TCP11L2: variants seen among roughly 807,000 people sequenced by gnomAD.
The protein encoded by TCP11L2 is T-complex protein 11-like protein 2.
Under a neutral mutation model 50.7 loss-of-function variants are expected in TCP11L2, and 39 were observed. That is an observed-to-expected ratio of 0.77 (90% CI 0.60 to 1.01). The LOEUF is 1.01. TCP11L2 is among the 50% of genes least tolerant of loss of function. The pLI is 0.00. For synonymous variants in TCP11L2, 192 were observed against 219.3 expected (o/e 0.88, Z 1.10); for missense variants, 612 against 614.7 (o/e 1.00, Z 0.05).
upstream of TCP11L2, among the ~76,000 whole-genome samples, chr12:106,302,311 GCCCCCGCT>G (rs2034438160): frequency 1.3e-5 from 1 of 76,516 alleles, no homozygotes; most frequent in Non-Finnish European, 2.7e-5. Context: ...GCCCCGCTCA[GCCCCCGCT>G]CCCCCCGCTC....
In TCP11L2 at chr12:106,321,728, A is replaced by T. The variant is rs536616242; in HGVS notation, c.635+22A>T. On this transcript the variant is annotated intron_variant, in intron 5 of 9. Coordinates refer to ENST00000299045, the MANE Select transcript of TCP11L2 (RefSeq NM_152772.3). ...TGAGGTTAGCACTTTTGCTGTTTGC[A>T]TTTCCTAGAGTATCTTTGAGTTCAT... 3.1e-4 allele frequency: 500 copies of T among 1,604,868 alleles called. 3 individuals carry two copies. In the South Asian group the frequency reaches 5.3e-3, roughly 17 times the overall value.
intron 6 of TCP11L2, among the ~76,000 whole-genome samples, chr12:106,334,217 C>T (rs926299436): frequency 6.6e-6 from 1 of 152,012 alleles, no homozygotes; most frequent in Non-Finnish European, 1.5e-5. Context: ...TTCTGGAGGG[C>T]TGTACTAAGA....
intron 9 of TCP11L2, among the ~76,000 whole-genome samples, chr12:106,342,607 G>C (rs1287941099): frequency 6.6e-6 from 1 of 152,200 alleles, no homozygotes; most frequent in Non-Finnish European, 1.5e-5. Context: ...GTGCAGGTTT[G>C]TTCACTGCTA....
At chr12:106,323,390 T>C (rs1260432084) in intron 5 of TCP11L2, 120 bp from the exon 6 acceptor site, 27 of 833,000 alleles carry the variant, frequency 3.2e-5, no homozygotes, top group Non-Finnish European at 4.7e-5. Flanking sequence ...CAAATGGCAA[T>C]TGGAACTTTA....
Position 106,311,199 on chromosome 12 carries a change from A to G in TCP11L2, c.124A>G (p.Ser42Gly), listed in dbSNP as rs778404741. ...DYECSRQSFA[S>G]DSSSKSSSPA... ...TGAATGCTCCAGGCAGAGCTTTGCA[A>G]GTGACTCCTCCAGCAAATCCAGCTC... is the stretch of plus-strand genomic sequence containing the variant. Residue 42 changes from serine to glycine, a missense_variant, in exon 2 of 10, where the codon AGT (serine) becomes GGT (glycine). Ser to Gly is a moderately conservative substitution (Grantham distance 56, BLOSUM62 0). Transcript: ENST00000299045. The G allele has an allele frequency of 2.5e-6, 4 of 1,613,912 alleles. No homozygotes were observed. In the Admixed American group the frequency reaches 5.0e-5, roughly 20 times the overall value.
Position 106,336,119 on chromosome 12 carries a change from A to G in TCP11L2, c.1048A>G (p.Asn350Asp). 1.2e-6 allele frequency: 2 copies of G among 1,614,126 alleles called. No homozygotes were observed. The highest frequency in any genetic ancestry group is 2.2e-5 in the South Asian group (2 of 91,052). The stretch of plus-strand genomic sequence containing the variant: ...TATTGCCTGCCTGTCCCTAATTACC[A>G]ACAACATGGTGGGTGCTATTACAGG... ...KIIACLSLIT[N>D]NMVGAITGGL... The change falls in exon 8 of 10, where the codon AAC becomes GAC. Residue 350 changes from asparagine (N) to aspartate (D), a missense_variant. By Grantham distance (23) the Asn-to-Asp change is conservative. Transcript: ENST00000299045.
At chr12:106,325,012 T>C (rs1397138161) in intron 6 of TCP11L2, 2 of 152,238 alleles carry the variant, frequency 1.3e-5, no homozygotes, top group African/African-American at 4.8e-5. Context: ...CATCAGTATA[T>C]GTATGATATA....
rs142164092 is a variant in TCP11L2 at position 106,336,201 on chromosome 12, G to A, written c.1130G>A (p.Gly377Asp). 4 of 1,606,690 alleles carry A rather than the reference G, an allele frequency of 2.5e-6. No individual in the cohort carries two copies. The African/African-American group carries it at 4.0e-5, about 16-fold the overall frequency. ...LTRISAVLLEGMNKETFNLKE... is the reference protein window; with the variant it reads ...LTRISAVLLEDMNKETFNLKE... ...AGGATTTCAGCTGTTCTACTTGAAG[G>A]CATGAACAAAGAGTAAGTTCCAAAT... Residue 377 changes from glycine (G) to aspartate (D), a missense_variant, in exon 8 of 10, where the codon GGC becomes GAC. Physicochemically the swap from Gly to Asp is moderately conservative, Grantham distance 94. Coordinates refer to ENST00000299045, the MANE Select transcript of TCP11L2 (RefSeq NM_152772.3).
At position 106,335,761 on chromosome 12, in the gene TCP11L2, T is replaced by G. The variant is rs1476053567; in HGVS notation, c.895T>G (p.Leu299Val). Residue 299 changes from leucine (L) to valine (V), a missense_variant, in exon 7 of 10, where the codon TTG becomes GTG. Leu to Val is a conservative substitution (Grantham distance 32, BLOSUM62 1). Coordinates refer to ENST00000299045, the MANE Select transcript of TCP11L2 (RefSeq NM_152772.3). ...NTSKPSLSPTLVLNNSYLKLL... is the reference protein window; with the variant it reads ...NTSKPSLSPTVVLNNSYLKLL... Reference sequence around the variant, plus strand: ...CTCCAAGCCAAGCCTGAGCCCTACTTTGGTGCTAAATAATAGTTACTTGAA... The same window carrying G: ...CTCCAAGCCAAGCCTGAGCCCTACTGTGGTGCTAAATAATAGTTACTTGAA... 1.2e-6 allele frequency: 2 copies of G among 1,614,114 alleles called. No individual in the cohort carries two copies. The highest frequency in any genetic ancestry group is 2.2e-5 in the East Asian group (1 of 44,898).
chr12:106,344,325 T>A (rs1005118775), intron 9 of TCP11L2, among the ~76,000 whole-genome samples: 1 of 152,136 alleles, frequency 6.6e-6, no homozygotes, highest in Non-Finnish European at 1.5e-5. Context: ...GTCTGTCACA[T>A]GACAGACCAA....
At chr12:106,330,070 A>G (rs1177178311) in intron 6 of TCP11L2, 2 of 985,350 alleles carry the variant, frequency 2.0e-6, no homozygotes, top group Non-Finnish European at 2.4e-6. Flanking sequence ...TACCAAATGT[A>G]TAATTGTATA....
intron 6 of TCP11L2, chr12:106,329,558 A>T: frequency 7.1e-7 from 1 of 1,417,596 alleles, no homozygotes; most frequent in East Asian, 2.5e-5. Flanking sequence ...CCTGCCTCAG[A>T]CAGAATAAAT....
chr12:106,334,202 A>G (rs948977969), intron 6 of TCP11L2, among the ~76,000 whole-genome samples: 1 of 152,208 alleles, frequency 6.6e-6, no homozygotes, highest in African/African-American at 2.4e-5. Context: ...AGCCAGGGAA[A>G]GAGTTTCTGG....
intron 8 of TCP11L2, among the ~76,000 whole-genome samples, chr12:106,338,651 G>A (rs1330211042): frequency 6.6e-6 from 1 of 152,210 alleles, no homozygotes; most frequent in Non-Finnish European, 1.5e-5. Flanking sequence ...TTTTGATAGA[G>A]TGATTTCTAT....
intron 9 of TCP11L2, among the ~76,000 whole-genome samples, chr12:106,344,182 A>T (rs2036168155): frequency 6.6e-6 from 1 of 151,828 alleles, no homozygotes; most frequent in Admixed American, 6.6e-5. Context: ...AATACAGATA[A>T]GGCTTAAGTC....
At chr12:106,337,525 A>T (rs1476195414) in intron 8 of TCP11L2, among the ~76,000 whole-genome samples, 1 of 152,220 alleles carries the variant, frequency 6.6e-6, no homozygotes, top group Non-Finnish European at 1.5e-5. Context: ...ATTACTTTCC[A>T]GAAACTTTTA....
intron 9 of TCP11L2, 96 bp downstream of exon 9, chr12:106,341,094 A>G: frequency 2.0e-6 from 2 of 984,320 alleles, no homozygotes; most frequent in Non-Finnish European, 1.5e-6. Flanking sequence ...TCTTAAACAC[A>G]TTACCCACTT....
chr12:106,301,142 T>C (rs967078026), upstream of TCP11L2, among the ~76,000 whole-genome samples: 3 of 152,192 alleles, frequency 2.0e-5, no homozygotes, highest in Non-Finnish European at 4.4e-5. Context: ...TGATTACTTA[T>C]CCAACGAATG....
chr12:106,305,701 G>T (rs770842802), intron 1 of TCP11L2, among the ~76,000 whole-genome samples: 8 of 152,312 alleles, frequency 5.3e-5, no homozygotes, highest in Non-Finnish European at 1.2e-4. Flanking sequence ...TGCAGTGAGT[G>T]TAGCAATCAG....
Sources: gnomAD v4.1 joint callset for allele counts (sites outside exome capture counted in the v4.1 genomes callset) on GRCh38, gnomAD v4.1.1 for gene constraint, MANE v1.5 for transcripts, NCBI Gene and HGNC (gene_info 2026-07-23, HGNC 2026-07-21) for gene names.